The following NOL4 variants were observed in gnomAD, a reference collection of about 807,000 sequenced individuals.
NOL4 encodes the protein nucleolar protein 4.
In NOL4, 17 loss-of-function variants were observed where a neutral mutation model predicts 75.9. The ratio of observed to expected loss-of-function variants is 0.22; its 90% CI spans 0.15 to 0.34. NOL4 has a LOEUF of 0.34. Among genes scored for constraint, NOL4 ranks in the 10% least tolerant of loss-of-function variants. NOL4 has a pLI of 1.00. For missense variants in NOL4, 614 were observed against 793.5 expected (o/e 0.77, Z 2.72); for synonymous variants, 292 against 289.9 (o/e 1.01, Z -0.07).
intron 8 of NOL4, among the ~76,000 whole-genome samples, chr18:33,948,619 TAAAAATGAC>T (rs2068996018): frequency 6.6e-6 from 1 of 151,994 alleles, no homozygotes. Flanking sequence ...TTTTTATTCT[TAAAAATGAC>T]AAAACTGAGG....
At chr18:33,981,318 C>T (rs1568164818) in intron 6 of NOL4, among the ~76,000 whole-genome samples, 1 of 149,822 alleles carries the variant, frequency 6.7e-6, no homozygotes, top group Non-Finnish European at 1.5e-5. Context: ...TCAAACACCA[C>T]ACCACAGATC....
chr18:33,983,158 A>G (rs956740906), intron 6 of NOL4, among the ~76,000 whole-genome samples: 1 of 152,144 alleles, frequency 6.6e-6, no homozygotes, highest in African/African-American at 2.4e-5. Flanking sequence ...CCATGGAGAC[A>G]GTAAAAAGAT....
intron 2 of NOL4, among the ~76,000 whole-genome samples, chr18:34,113,406 G>A (rs140716820): frequency 2.0e-5 from 3 of 152,292 alleles, no homozygotes; most frequent in East Asian, 3.9e-4. Flanking sequence ...TTGACAGGCT[G>A]AGGCTAGAGG....
chr18:33,947,493 T>C (rs879393217), intron 8 of NOL4, among the ~76,000 whole-genome samples: 1 of 151,850 alleles, frequency 6.6e-6, no homozygotes, highest in Non-Finnish European at 1.5e-5. Context: ...ATAAATTCAA[T>C]AGATAACTTA....
At chr18:34,178,028 C>A (rs1600806442) in intron 1 of NOL4, among the ~76,000 whole-genome samples, 1 of 151,668 alleles carries the variant, frequency 6.6e-6, no homozygotes, top group African/African-American at 2.4e-5. Flanking sequence ...GCTTAAAAGA[C>A]AACTGCATAA....
At chr18:34,087,577 T>C (rs2078299735) in intron 5 of NOL4, among the ~76,000 whole-genome samples, 1 of 152,128 alleles carries the variant, frequency 6.6e-6, no homozygotes, top group Non-Finnish European at 1.5e-5. Flanking sequence ...TAATCTAATA[T>C]GCAATGTTCA....
At position 34,194,457 on chromosome 18, in the gene NOL4, A is replaced by AAGGC. The variant is rs576872798; in HGVS notation, c.264+28529_264+28532dup. On this transcript the variant is annotated intron_variant, in intron 1 of 10. Coordinates refer to ENST00000261592, the MANE Select transcript of NOL4 (RefSeq NM_003787.5). ...GAAGGAAGGAAGGAAGGAAGGAAGGAAGGCAGGCAGGCAGGCAGGCAGGCA... is the reference window on the plus strand; with the variant it reads ...GAAGGAAGGAAGGAAGGAAGGAAGGAAGGCAGGCAGGCAGGCAGGCAGGCAGGCA... Among the ~76,000 whole-genome samples the AAGGC allele has an allele frequency of 4.6e-3, 671 of 146,298 alleles. 6 individuals carry two copies. The highest frequency in any genetic ancestry group is 0.016 in the African/African-American group (614 of 39,334).
intron 1 of NOL4, among the ~76,000 whole-genome samples, chr18:34,179,584 T>C: frequency 6.6e-6 from 1 of 151,256 alleles, no homozygotes; most frequent in East Asian, 1.9e-4. Context: ...CAAACAGCTG[T>C]TTACCAAAAA....
At chr18:34,177,425 T>C (rs2033649887) in intron 1 of NOL4, among the ~76,000 whole-genome samples, 1 of 151,992 alleles carries the variant, frequency 6.6e-6, no homozygotes, top group Admixed American at 6.6e-5. Context: ...GTACAATTTA[T>C]TGTACGTCAA....
At chr18:33,862,315 C>T (rs75631318) in intron 10 of NOL4, among the ~76,000 whole-genome samples, 5 of 151,448 alleles carry the variant, frequency 3.3e-5, no homozygotes, top group Admixed American at 1.3e-4. Flanking sequence ...ACCATAAAAA[C>T]CCTAGAAGAA....
chr18:33,906,468 GT>G (rs2066051805), intron 9 of NOL4, among the ~76,000 whole-genome samples: 1 of 152,180 alleles, frequency 6.6e-6, no homozygotes, highest in African/African-American at 2.4e-5. Flanking sequence ...CTTACTGGCT[GT>G]TGTGCGGTGA....
At chr18:34,190,031 T>C (rs1437679204) in intron 1 of NOL4, among the ~76,000 whole-genome samples, 2 of 148,380 alleles carry the variant, frequency 1.3e-5, no homozygotes, top group Non-Finnish European at 3.0e-5. Context: ...ATATATAACA[T>C]ATTATTTTAT....
intron 8 of NOL4, among the ~76,000 whole-genome samples, chr18:33,949,030 T>G (rs2069027382): frequency 1.3e-5 from 2 of 152,072 alleles, no homozygotes; most frequent in Admixed American, 6.6e-5. Flanking sequence ...AAGGTTTTAC[T>G]TTTTCCTAAT....
chr18:34,141,716 A>C (rs1180179745), intron 1 of NOL4, among the ~76,000 whole-genome samples: 1 of 152,202 alleles, frequency 6.6e-6, no homozygotes, highest in East Asian at 1.9e-4. Context: ...GTTAGACCTA[A>C]AACCATGAAA....
At chr18:33,985,841 T>G (rs552892224) in intron 6 of NOL4, among the ~76,000 whole-genome samples, 56 of 152,154 alleles carry the variant, frequency 3.7e-4, no homozygotes, top group South Asian at 6.2e-4. Flanking sequence ...TTCCTTAATC[T>G]CTCTAAATCT....
intron 6 of NOL4, among the ~76,000 whole-genome samples, chr18:33,967,474 C>A (rs1005026991): frequency 1.3e-5 from 2 of 152,130 alleles, no homozygotes; most frequent in African/African-American, 4.8e-5. Flanking sequence ...CAAGTGGGAC[C>A]CAAATAAACT....
chr18:33,995,457 T>C (rs1397200980), intron 6 of NOL4, among the ~76,000 whole-genome samples: 1 of 151,608 alleles, frequency 6.6e-6, no homozygotes, highest in Non-Finnish European at 1.5e-5. Context: ...AATTAATATC[T>C]AAAAAACTGT....
intron 10 of NOL4, among the ~76,000 whole-genome samples, chr18:33,879,778 G>A (rs2064148455): frequency 6.6e-6 from 1 of 150,918 alleles, no homozygotes; most frequent in Non-Finnish European, 1.5e-5. Context: ...CACTTTTATT[G>A]GCAACTTTTT....
At chr18:33,857,138 T>A (rs1302490840) in intron 10 of NOL4, among the ~76,000 whole-genome samples, 2 of 152,070 alleles carry the variant, frequency 1.3e-5, no homozygotes, top group African/African-American at 2.4e-5. Flanking sequence ...ATTAGGTCAA[T>A]ACACTGCAGA....
Sources: allele counts gnomAD v4.1 joint callset (sites outside exome capture counted in the v4.1 genomes callset), GRCh38; gene constraint gnomAD v4.1.1; transcripts MANE v1.5; gene names NCBI Gene and HGNC (gene_info 2026-07-23, HGNC 2026-07-21).